The following CECR2 variants were observed in gnomAD, a reference collection of about 807,000 sequenced individuals.
The protein encoded by CECR2 is CECR2 histone acetyl-lysine reader, also known as chromatin remodeling regulator CECR2.
Under a neutral mutation model 154.5 loss-of-function variants are expected in CECR2, and 30 were observed. The observed-to-expected ratio is 0.19, with a 90% CI of 0.15 to 0.26. CECR2 has a LOEUF of 0.26. Among genes scored for constraint, CECR2 ranks in the 10% least tolerant of loss-of-function variants. The pLI is 1.00. For missense variants in CECR2, 1,743 were observed against 1,829.3 expected (o/e 0.95, Z 0.86); for synonymous variants, 725 against 683.7 (o/e 1.06, Z -0.94).
At chr22:17,407,961 C>T (rs2054010323) in intron 1 of CECR2, among the ~76,000 whole-genome samples, 1 of 152,198 alleles carries the variant, frequency 6.6e-6, no homozygotes, top group Non-Finnish European at 1.5e-5. Context: ...GAAACTGTAC[C>T]TTTGGTGACT....
intron 1 of CECR2, among the ~76,000 whole-genome samples, chr22:17,411,121 G>C (rs1221305057): frequency 6.6e-6 from 1 of 152,172 alleles, no homozygotes. Flanking sequence ...GACTGGCCGT[G>C]TATTATATTA....
At chr22:17,505,494 C>G (rs539162707) in intron 7 of CECR2, among the ~76,000 whole-genome samples, 67 of 150,864 alleles carry the variant, frequency 4.4e-4, no homozygotes, top group African/African-American at 1.6e-3. Context: ...CATGTACACC[C>G]TACTTCATGC....
intron 9 of CECR2, among the ~76,000 whole-genome samples, chr22:17,530,292 G>A (rs936495462): frequency 1.6e-4 from 24 of 151,396 alleles, no homozygotes; most frequent in African/African-American, 5.6e-4. Flanking sequence ...GTGGTGCCGC[G>A]CCCGGCACAT....
upstream of CECR2, among the ~76,000 whole-genome samples, chr22:17,366,953 T>G (rs1387737586): frequency 6.6e-6 from 1 of 151,692 alleles, no homozygotes. Context: ...CAAACAGAGT[T>G]AGAGAATGGT....
intron 1 of CECR2, among the ~76,000 whole-genome samples, chr22:17,376,422 TCAGTACTACC>T (rs2063119719): frequency 7.7e-6 from 1 of 129,132 alleles, no homozygotes; most frequent in Admixed American, 7.3e-5. Context: ...TTGGCAGCAT[TCAGTACTACC>T]GATCATCTGC....
At position 17,537,137 on chromosome 22, in the gene CECR2, G is replaced by A. The variant is rs200143087; in HGVS notation, c.1143G>A (p.Arg381=). 4.2e-4 allele frequency: 685 copies of A among 1,613,774 alleles called. No homozygotes were observed. Among genetic ancestry groups the A allele is most frequent in the Non-Finnish European group, 5.5e-4 (652 of 1,179,862 alleles). The part of the protein sequence containing the change: ...RAKRRKLREE[R]AWLLAQGKEL... Reference sequence around the variant, plus strand: ...AGAGGAGAAAGCTCAGGGAAGAAAGGGCATGGCTGCTGGCTCAAGGAAAGG... The same window carrying A: ...AGAGGAGAAAGCTCAGGGAAGAAAGAGCATGGCTGCTGGCTCAAGGAAAGG... Residue 381 remains arginine (R), a synonymous_variant, in exon 10 of 19, where the codon AGG becomes AGA. Coordinates refer to ENST00000262608, the MANE Select transcript of CECR2 (RefSeq NM_001290047.2).
At chr22:17,508,023 T>C (rs545146999) in intron 7 of CECR2, among the ~76,000 whole-genome samples, 35 of 152,318 alleles carry the variant, frequency 2.3e-4, no homozygotes, top group Non-Finnish European at 4.0e-4. Flanking sequence ...TTCGTTCTGA[T>C]ATAGATATCT....
In CECR2 at chr22:17,538,713, C is replaced by G. The variant is rs192647734; in HGVS notation, c.1350C>G (p.Asn450Lys). The G allele has an allele frequency of 6.2e-7, 1 of 1,613,744 alleles. No individual in the cohort carries two copies. The highest frequency in any genetic ancestry group is 1.1e-5 in the South Asian group (1 of 91,082). Residue 450 changes from asparagine (N) to lysine (K), a missense_variant, in exon 12 of 19, where the codon AAC becomes AAG. Physicochemically the swap from Asn to Lys is moderately conservative, Grantham distance 94 (BLOSUM62 0). Transcript: ENST00000262608. ...CTGTGGATGAATCTTATGCCCCTAA[C>G]TATTATCAGATTATTAAGGTAGAAG... ...LEPVDESYAP[N>K]YYQIIKAPMD...
intron 8 of CECR2, among the ~76,000 whole-genome samples, chr22:17,521,978 A>C (rs1204247084): frequency 1.3e-5 from 2 of 152,212 alleles, no homozygotes; most frequent in African/African-American, 4.8e-5. Flanking sequence ...ATGGCTAGCC[A>C]GTTTTCCCAG....
rs2063252533 is a variant in CECR2, at chr22:17,385,815, G to C, written c.126+15906G>C. ...AAACACAGTACAACGAGGTGGGCCT[G>C]TATTAGAGCGGAAGGGGCATGAACC... On this transcript the variant is annotated intron_variant, in intron 1 of 18. Coordinates refer to ENST00000262608, the MANE Select transcript of CECR2 (RefSeq NM_001290047.2). 2.0e-5 allele frequency among the ~76,000 whole-genome samples: 3 copies of C among 152,348 alleles called. No homozygotes were observed. In the South Asian group the frequency reaches 6.2e-4, roughly 32 times the overall value.
At chr22:17,545,843 A>C (rs1321356393) in intron 16 of CECR2, among the ~76,000 whole-genome samples, 1 of 77,654 alleles carries the variant, frequency 1.3e-5, no homozygotes, top group East Asian at 3.1e-4. Flanking sequence ...ACTCCGTCTC[A>C]AAAAAAAAAA....
intron 9 of CECR2, among the ~76,000 whole-genome samples, chr22:17,529,190 CAA>C (rs1252211503): frequency 6.6e-6 from 1 of 152,148 alleles, no homozygotes; most frequent in Non-Finnish European, 1.5e-5. Context: ...GCAGTGCAGA[CAA>C]GAGCAGAGGC....
chr22:17,536,119 A>G (rs995874143), intron 9 of CECR2, among the ~76,000 whole-genome samples: 7 of 152,068 alleles, frequency 4.6e-5, no homozygotes, highest in Non-Finnish European at 1.0e-4. Context: ...GTGGTGGTGC[A>G]TGCCTGTAAT....
At chr22:17,436,033 A>G (rs1569081170) in intron 1 of CECR2, among the ~76,000 whole-genome samples, 1 of 152,010 alleles carries the variant, frequency 6.6e-6, no homozygotes, top group South Asian at 2.1e-4. Flanking sequence ...ATCTCAGCTC[A>G]CTGCAACCTC....
chr22:17,404,276 T>C (rs28412556), intron 1 of CECR2, among the ~76,000 whole-genome samples: 45,535 of 71,346 alleles, frequency 0.64, 11,840 homozygotes, highest in African/African-American at 0.65. Flanking sequence ...CCGACCCCCC[T>C]GCCAAAAAAA....
chr22:17,507,300 C>T (rs1316060699), intron 7 of CECR2, among the ~76,000 whole-genome samples: 3 of 152,130 alleles, frequency 2.0e-5, no homozygotes, highest in East Asian at 3.8e-4. Flanking sequence ...AGAAAACCTC[C>T]GTTTCACCAT....
Position 17,548,145 on chromosome 22 carries a change from C to G in CECR2, c.2861-3C>G. 2.1e-6 allele frequency: 3 copies of G among 1,421,072 alleles called. No homozygotes were observed. The highest frequency in any genetic ancestry group is 1.5e-5 in the South Asian group (1 of 66,444). 88.0% of individuals were successfully genotyped at this position (1,421,072 alleles called of 1,614,324 possible). Reference sequence around the variant, plus strand: ...TTTCTCCTCTTTTTTTTTTTTTTTGCAGCAGAGCCGTTGCCTGGCCTTGAA... The same window carrying G: ...TTTCTCCTCTTTTTTTTTTTTTTTGGAGCAGAGCCGTTGCCTGGCCTTGAA... On this transcript the variant is annotated splice_region_variant and splice_polypyrimidine_tract_variant and intron_variant, in intron 16 of 18. Transcript: ENST00000262608.
intron 1 of CECR2, among the ~76,000 whole-genome samples, chr22:17,382,954 G>A (rs1032166196): frequency 1.3e-4 from 19 of 147,934 alleles, no homozygotes; most frequent in East Asian, 1.0e-3. Context: ...TTGGCCAGGC[G>A]CGGTGGCTCA....
intron 9 of CECR2, among the ~76,000 whole-genome samples, chr22:17,525,285 CCAAAAAAAAAAAAAAAAAAAAAAAAAA>C: frequency 3.1e-5 from 1 of 32,322 alleles, no homozygotes; most frequent in South Asian, 2.6e-3. Context: ...AACTCCATCT[CCAAAAAAAAAAAAAAAAAAAAAAAAAA>C]AAAGAAAGGA....
Sources: gnomAD v4.1 joint callset for allele counts (sites outside exome capture counted in the v4.1 genomes callset) on GRCh38, gnomAD v4.1.1 for gene constraint, MANE v1.5 for transcripts, NCBI Gene and HGNC (gene_info 2026-07-23, HGNC 2026-07-21) for gene names.